STK17A: variants seen among roughly 807,000 people sequenced by gnomAD.
The protein encoded by STK17A is serine/threonine-protein kinase 17A.
Under a neutral mutation model 43.7 loss-of-function variants are expected in STK17A, and 26 were observed. The ratio of observed to expected loss-of-function variants is 0.60; its 90% confidence interval spans 0.44 to 0.83. STK17A has a LOEUF of 0.83. STK17A is among the 40% of genes least tolerant of loss of function. The pLI is 0.00. For synonymous variants in STK17A, 191 were observed against 182.5 expected, an observed-to-expected ratio of 1.05 and a Z score of -0.38; for missense variants, 476 against 511.6, an observed-to-expected ratio of 0.93 and a Z score of 0.67.
intron 6 of STK17A, 56 bp downstream of exon 6, chr7:43,623,944 G>C: frequency 8.0e-7 from 1 of 1,242,904 alleles, no homozygotes; most frequent in East Asian, 3.1e-5. Context: ...AAAAAATTCA[G>C]TATTAAAAAA....
At chr7:43,601,380 C>T (rs182148553) in intron 2 of STK17A, among the ~76,000 whole-genome samples, 41 of 152,152 alleles carry the variant, frequency 2.7e-4, no homozygotes, top group African/African-American at 8.2e-4. Context: ...AATGGCAGAA[C>T]GGTTAAAAGT....
intron 2 of STK17A, among the ~76,000 whole-genome samples, chr7:43,607,647 CAAAA>C (rs760624386): frequency 5.5e-5 from 3 of 54,356 alleles, no homozygotes; most frequent in Admixed American, 2.2e-4. Context: ...GACTCCGTCT[CAAAA>C]AAAAAAAAAA....
At chr7:43,594,830 A>C (rs1236598982) in intron 1 of STK17A, among the ~76,000 whole-genome samples, 2 of 151,110 alleles carry the variant, frequency 1.3e-5, no homozygotes, top group East Asian at 3.9e-4. Flanking sequence ...ACTTGAGGCC[A>C]GGAGTTCAAT....
intron 4 of STK17A, chr7:43,622,354 T>G (rs1435818551): frequency 6.6e-6 from 1 of 152,232 alleles, no homozygotes; most frequent in African/African-American, 2.4e-5. Flanking sequence ...TCCCACTCAT[T>G]TATTCTATGG....
At chr7:43,595,010 T>G (rs1432473988) in intron 1 of STK17A, among the ~76,000 whole-genome samples, 1 of 152,146 alleles carries the variant, frequency 6.6e-6, no homozygotes, top group East Asian at 1.9e-4. Context: ...GAGCTCATAC[T>G]TTTAATCAGT....
intron 2 of STK17A, among the ~76,000 whole-genome samples, chr7:43,603,240 A>G (rs2082567087): frequency 6.6e-6 from 1 of 152,146 alleles, no homozygotes; most frequent in Admixed American, 6.5e-5. Flanking sequence ...TTAGACCAAA[A>G]TCAGTATGAA....
chr7:43,589,377 A>T (rs1424814724), intron 1 of STK17A, among the ~76,000 whole-genome samples: 1 of 151,464 alleles, frequency 6.6e-6, no homozygotes, highest in Non-Finnish European at 1.5e-5. Flanking sequence ...ACCTAGAATA[A>T]AACAGGACCT....
chr7:43,622,230 C>T (rs935264846), intron 4 of STK17A: 8 of 152,060 alleles, frequency 5.3e-5, no homozygotes, highest in African/African-American at 1.9e-4. Context: ...TTTTAATTTC[C>T]TAGTCACTTC....
chr7:43,592,086 T>A (rs1563143533), intron 1 of STK17A, among the ~76,000 whole-genome samples: 1 of 151,572 alleles, frequency 6.6e-6, no homozygotes, highest in Non-Finnish European at 1.5e-5. Context: ...TCAGACGAAT[T>A]TTTTACAAAT....
intron 2 of STK17A, among the ~76,000 whole-genome samples, chr7:43,603,802 A>G (rs2082571166): frequency 6.6e-6 from 1 of 152,192 alleles, no homozygotes; most frequent in Non-Finnish European, 1.5e-5. Context: ...AGTGTACACA[A>G]ACTTTGTTTC....
intron 2 of STK17A, among the ~76,000 whole-genome samples, chr7:43,599,961 C>A (rs1056006791): frequency 1.3e-5 from 2 of 152,216 alleles, no homozygotes; most frequent in Admixed American, 1.3e-4. Context: ...GAGAGAGAGA[C>A]CAGCTTGCCT....
At chr7:43,622,165 T>C (rs1487915035) in intron 4 of STK17A, 1 of 152,244 alleles carries the variant, frequency 6.6e-6, no homozygotes, top group East Asian at 1.9e-4. Flanking sequence ...ACAGTCTTGC[T>C]ATGTGGTCTG....
chr7:43,607,404 T>G (rs1429953355), intron 2 of STK17A, among the ~76,000 whole-genome samples: 1 of 151,528 alleles, frequency 6.6e-6, no homozygotes, highest in Non-Finnish European at 1.5e-5. Context: ...ATCCCAGCAC[T>G]TTGAGAGCCC....
intron 3 of STK17A, among the ~76,000 whole-genome samples, chr7:43,614,995 C>A (rs1766288714): frequency 6.6e-6 from 1 of 152,146 alleles, no homozygotes; most frequent in Non-Finnish European, 1.5e-5. Context: ...GTTTACTAAT[C>A]ACAAGAAAAT....
chr7:43,623,670 A>G (rs2084166313), intron 5 of STK17A, 39 bp from the exon 6 acceptor site: 3 of 1,603,576 alleles, frequency 1.9e-6, no homozygotes, highest in Non-Finnish European at 1.7e-6. Flanking sequence ...AGAAATGAGT[A>G]TGGTACTAAA....
intron 3 of STK17A, among the ~76,000 whole-genome samples, chr7:43,611,145 A>G (rs10256980): frequency 0.17 from 25,210 of 152,194 alleles, 2,421 homozygotes; most frequent in Non-Finnish European, 0.21. Context: ...TACAGTGTGT[A>G]TAATCTGGAG....
intron 1 of STK17A, among the ~76,000 whole-genome samples, 184 bp downstream of exon 1, chr7:43,583,633 C>T (rs1030048119): frequency 1.3e-5 from 2 of 152,202 alleles, no homozygotes; most frequent in Admixed American, 6.5e-5. Flanking sequence ...CGCACCAGCG[C>T]CCCCTCCACG....
rs1459990367 is a variant in STK17A at position 43,627,159 on chromosome 7, GTTGT to G, written c.*2320_*2323del. 3.3e-5 allele frequency among the ~76,000 whole-genome samples: 5 copies of G among 152,272 alleles called. No individual in the cohort carries two copies. The highest frequency in any genetic ancestry group is 1.2e-4 in the African/African-American group (5 of 41,558). ...CAACAATATTTTGGTGTGGTGAAAC[GTTGT>G]TTATGAAATGTATAAAATGTATAAG... On this transcript the variant is annotated 3_prime_UTR_variant, in exon 7 of 7. Transcript: ENST00000319357.
At chr7:43,590,021 T>A (rs1181340045) in intron 1 of STK17A, among the ~76,000 whole-genome samples, 1 of 150,508 alleles carries the variant, frequency 6.6e-6, no homozygotes, top group Non-Finnish European at 1.5e-5. Flanking sequence ...TGGCATGATC[T>A]CGGCAGCCTA....
Sources: gnomAD v4.1 joint callset for allele counts (sites outside exome capture counted in the v4.1 genomes callset) on GRCh38, gnomAD v4.1.1 for gene constraint, MANE v1.5 for transcripts, NCBI Gene and HGNC (gene_info 2026-07-23, HGNC 2026-07-21) for gene names.